The following ARFGEF3 variants were observed in gnomAD, a reference collection of about 807,000 sequenced individuals.
ARFGEF3 encodes the protein ARFGEF family member 3, also known as brefeldin A-inhibited guanine nucleotide-exchange protein 3.
ARFGEF3 carries 96 observed loss-of-function variants against 221.7 expected under a neutral mutation model. That is an observed-to-expected ratio of 0.43 (90% CI 0.37 to 0.51). The LOEUF is 0.51. Ranked by LOEUF, ARFGEF3 falls within the 20% of genes least tolerant of loss-of-function variation. The pLI is 0.00. For synonymous variants in ARFGEF3, 1,145 were observed against 1,126.8 expected (o/e 1.02, Z -0.32); for missense variants, 2,410 against 2,789.9 (o/e 0.86, Z 3.07).
At chr6:138,290,085 T>C (rs1779372740) in intron 18 of ARFGEF3, 117 bp downstream of exon 18, 9 of 981,380 alleles carry the variant, frequency 9.2e-6, no homozygotes, top group Middle Eastern at 3.3e-4. Flanking sequence ...AAATCAATTA[T>C]AACAATTCAC....
chr6:138,235,086 G>A (rs547355630), intron 5 of ARFGEF3, among the ~76,000 whole-genome samples: 15 of 152,050 alleles, frequency 9.9e-5, no homozygotes, highest in Non-Finnish European at 2.2e-4. Flanking sequence ...ATTTCTCCCT[G>A]GGTTTAACCT....
In ARFGEF3 at chr6:138,336,335, A is replaced by G. The variant is rs775304451; in HGVS notation, c.6383A>G (p.Gln2128Arg). The G allele has an allele frequency of 6.2e-7, 1 of 1,605,856 alleles. No homozygotes were observed. Among genetic ancestry groups the G allele is most frequent in the Admixed American group, 1.7e-5 (1 of 58,738 alleles). ...GTGCTAACAGTTCTCAATCAGATTC[A>G]GATTCTCCCAGACCAGACCTTCACG... ...NMVLTVLNQI[Q>R]ILPDQTFTAL... Residue 2128 changes from glutamine (Q) to arginine (R), a missense_variant, in exon 34 of 34, where the codon CAG becomes CGG. Gln to Arg is a conservative substitution (Grantham distance 43). Around this residue, in one of 5 missense-constraint regions of ARFGEF3, gnomAD observed 339 missense variants for 334.9 expected, o/e 1.01. Transcript: ENST00000251691.
intron 17 of ARFGEF3, 27 bp downstream of exon 17, chr6:138,287,211 C>T: frequency 2.0e-6 from 3 of 1,530,038 alleles, no homozygotes; most frequent in African/African-American, 1.4e-5. Context: ...CAGAACCCAC[C>T]TGGTGCCTTG....
At chr6:138,227,781 T>C (rs182805492) in intron 4 of ARFGEF3, among the ~76,000 whole-genome samples, 103 of 152,342 alleles carry the variant, frequency 6.8e-4, no homozygotes, top group African/African-American at 2.4e-3. Flanking sequence ...TTTATGAGAC[T>C]GATGTCTGCT....
chr6:138,221,498 T>G (rs1055916942), intron 4 of ARFGEF3, among the ~76,000 whole-genome samples: 5 of 152,194 alleles, frequency 3.3e-5, no homozygotes, highest in Non-Finnish European at 7.3e-5. Flanking sequence ...AAATTAAGGA[T>G]TACAACCTGG....
Position 138,307,137 on chromosome 6 carries a change from T to G in ARFGEF3, c.3829-116T>G, listed in dbSNP as rs913987611. 4 of 1,062,740 alleles carry G rather than the reference T, an allele frequency of 3.8e-6. No homozygotes were observed. In the African/African-American group the frequency reaches 6.3e-5, roughly 17 times the overall value. 65.8% of individuals were successfully genotyped at this position (1,062,740 alleles called of 1,614,324 possible). A position where few individuals can be genotyped will look rare whatever the true frequency, so the allele number is the denominator to read the frequency against. ...GAGTGAGTTTGTCTATTCTGGTTTT[T>G]CCTTTTCACTAAAATTAACTCCAAA... On this transcript the variant is annotated intron_variant, in intron 22 of 33. Coordinates refer to ENST00000251691, the MANE Select transcript of ARFGEF3 (RefSeq NM_020340.5).
chr6:138,300,088 C>T (rs7759972), intron 22 of ARFGEF3, among the ~76,000 whole-genome samples: 31,920 of 151,876 alleles, frequency 0.21, 3,711 homozygotes, highest in East Asian at 0.45. Context: ...AACAAGGCAA[C>T]GGAGAGAACT....
At chr6:138,332,442 A>G (rs534382568) in intron 32 of ARFGEF3, among the ~76,000 whole-genome samples, 8 of 152,320 alleles carry the variant, frequency 5.3e-5, no homozygotes, top group Middle Eastern at 3.4e-3. Flanking sequence ...TGAGGATGTT[A>G]TAGCTATCAG....
intron 22 of ARFGEF3, among the ~76,000 whole-genome samples, chr6:138,302,513 A>T (rs185939741): frequency 2.9e-4 from 44 of 152,348 alleles, no homozygotes; most frequent in African/African-American, 9.6e-4. Context: ...AGAGAAAGAC[A>T]AACAGATGGG....
rs201691695 is a variant in ARFGEF3 at position 138,255,602 on chromosome 6, G to T, written c.937G>T (p.Ala313Ser). ...RGSGCSCTAP[A>S]LSGPVARTIY... ...ATCAGGCTGCTCCTGCACTGCGCCG[G>T]CCCTGAGCGGACCTGTGGCTCGGAC... The change falls in exon 10 of 34, where the codon GCC becomes TCC. Residue 313 changes from alanine to serine, a missense_variant. Around this residue, in one of 5 missense-constraint regions of ARFGEF3, gnomAD observed 570 missense variants for 586.9 expected, o/e 0.97. Coordinates refer to ENST00000251691, the MANE Select transcript of ARFGEF3 (RefSeq NM_020340.5). 9 of 1,613,928 alleles carry T rather than the reference G, an allele frequency of 5.6e-6. No individual in the cohort carries two copies. Among genetic ancestry groups the T allele is most frequent in the Non-Finnish European group, 7.6e-6 (9 of 1,179,874 alleles).
At chr6:138,222,585 G>A (rs1778000730) in intron 4 of ARFGEF3, among the ~76,000 whole-genome samples, 1 of 152,164 alleles carries the variant, frequency 6.6e-6, no homozygotes, top group Non-Finnish European at 1.5e-5. Flanking sequence ...CAAGGATGCT[G>A]CTACATATCC....
At chr6:138,194,197 G>A (rs1432532400) in intron 2 of ARFGEF3, among the ~76,000 whole-genome samples, 1 of 151,588 alleles carries the variant, frequency 6.6e-6, no homozygotes, top group East Asian at 1.9e-4. Flanking sequence ...GAACCCAGGA[G>A]GCAGAGGTTG....
intron 6 of ARFGEF3, among the ~76,000 whole-genome samples, chr6:138,239,667 A>AG (rs1381082160): frequency 1.3e-5 from 2 of 151,672 alleles, no homozygotes; most frequent in Non-Finnish European, 2.9e-5. Flanking sequence ...AAAAAAAAAA[A>AG]AAAGAAAGAA....
intron 17 of ARFGEF3, among the ~76,000 whole-genome samples, chr6:138,287,650 G>A (rs1273107800): frequency 5.3e-5 from 8 of 152,188 alleles, no homozygotes; most frequent in Admixed American, 2.6e-4. Context: ...TTGTGAACTC[G>A]AGAAATGGCT....
chr6:138,272,142 CATTTATTT>C (rs6149826), intron 12 of ARFGEF3, among the ~76,000 whole-genome samples: 5 of 148,650 alleles, frequency 3.4e-5, no homozygotes, highest in South Asian at 2.2e-4. Context: ...TAGCAGATGC[CATTTATTT>C]ATTTATTTAT....
Position 138,334,948 on chromosome 6 carries a change from G to A in ARFGEF3, c.6102G>A (p.Gln2034=). The change falls in exon 33 of 34, where the codon CAG becomes CAA. Residue 2034 remains glutamine, a synonymous_variant. Transcript: ENST00000251691. This position sits in a 1 kb window ranked among gnomAD's most constrained non-coding sequence, Gnocchi z 5.1. ...KLMTEYKKRK[Q]QHNLSAFPKE... is the part of the protein sequence containing the mutation. ...TGACCGAATACAAAAAGAGGAAACAGCAGCACAACCTGTCCGCGTTCCCCA... is the reference window on the plus strand; with the variant it reads ...TGACCGAATACAAAAAGAGGAAACAACAGCACAACCTGTCCGCGTTCCCCA... The A allele has an allele frequency of 2.5e-6, 4 of 1,588,532 alleles. No individual in the cohort carries two copies. Among genetic ancestry groups the A allele is most frequent in the Non-Finnish European group, 3.4e-6 (4 of 1,168,012 alleles).
chr6:138,306,725 A>G (rs1377556882), intron 22 of ARFGEF3, among the ~76,000 whole-genome samples: 1 of 152,124 alleles, frequency 6.6e-6, no homozygotes, highest in African/African-American at 2.4e-5. Flanking sequence ...TTGTGCTTGA[A>G]TGTATATGAT....
rs1299291701 is a variant in ARFGEF3 at position 138,334,846 on chromosome 6, C to T, written c.6000C>T (p.Ser2000=). 23 of 1,596,854 alleles carry T rather than the reference C, an allele frequency of 1.4e-5. 1 individual carries two copies. The highest frequency in any genetic ancestry group is 3.3e-4 in the Middle Eastern group (2 of 6,066). The change falls in exon 33 of 34, where the codon AGC becomes AGT. Residue 2000 remains serine (S), a synonymous_variant. Coordinates refer to ENST00000251691, the MANE Select transcript of ARFGEF3 (RefSeq NM_020340.5). This position sits in a 1 kb window ranked among gnomAD's most constrained non-coding sequence, Gnocchi z 5.1. ...PSPKVEKKDP[S]RKKEWWENAG... ...CCAAAGTGGAGAAGAAGGATCCCAG[C>T]CGGAAGAAGGAGTGGTGGGAGAATG...
At chr6:138,318,508 G>T (rs904598928) in intron 27 of ARFGEF3, among the ~76,000 whole-genome samples, 10 of 152,126 alleles carry the variant, frequency 6.6e-5, no homozygotes, top group African/African-American at 2.2e-4. Context: ...TAATATTTGT[G>T]AATAATATTT....
Sources: allele counts gnomAD v4.1 joint callset (sites outside exome capture counted in the v4.1 genomes callset), GRCh38; gene constraint gnomAD v4.1.1; regional missense constraint gnomAD v4.1.1; non-coding constraint Gnocchi (gnomAD v3.1); transcripts MANE v1.5; gene names NCBI Gene and HGNC (gene_info 2026-07-23, HGNC 2026-07-21).